POTEF: variants seen among roughly 807,000 people sequenced by gnomAD.
The protein encoded by POTEF is ANKRD26-like family C member 1B.
A neutral mutation model predicts 83.2 loss-of-function variants in POTEF; 20 were observed. The observed-to-expected ratio is 0.24, with a 90% CI of 0.17 to 0.35. POTEF has a LOEUF of 0.35. POTEF is among the 10% of genes least tolerant of loss of function. The probability of loss-of-function intolerance (pLI) is 1.00; values close to 1 mark genes in which losing one functional copy is unlikely to be tolerated. For missense variants in POTEF, 550 were observed against 1,203.2 expected (o/e 0.46, Z 8.03); for synonymous variants, 196 against 446.4 (o/e 0.44, Z 7.07).
chr2:130,106,221 T>C (rs1684524751), intron 8 of POTEF, among the ~76,000 whole-genome samples: 1 of 150,718 alleles, frequency 6.6e-6, no homozygotes, highest in South Asian at 2.1e-4. Context: ...CTCTGGTTCC[T>C]ACTGTTTTAG....
chr2:130,075,969 C>T (rs1393740908), intron 16 of POTEF, among the ~76,000 whole-genome samples: 1 of 144,530 alleles, frequency 6.9e-6, no homozygotes, highest in Non-Finnish European at 1.5e-5. Flanking sequence ...ATTAGGTTTA[C>T]ACTCTGATAT....
At chr2:130,117,862 C>T (rs1010479686) in intron 3 of POTEF, among the ~76,000 whole-genome samples, 2 of 151,828 alleles carry the variant, frequency 1.3e-5, no homozygotes, top group South Asian at 4.1e-4. Flanking sequence ...GCAATTTAAA[C>T]TTTAAATGAC....
chr2:130,128,343 CTCTGGAG>C (rs1685149161), intron 1 of POTEF, among the ~76,000 whole-genome samples: 1 of 151,982 alleles, frequency 6.6e-6, no homozygotes, highest in Non-Finnish European at 1.5e-5. Context: ...CCAGGAGGAA[CTCTGGAG>C]TCTGGAAAAG....
At chr2:130,126,319 A>G (rs1330124885) in intron 2 of POTEF, among the ~76,000 whole-genome samples, 5 of 152,178 alleles carry the variant, frequency 3.3e-5, no homozygotes, top group Admixed American at 2.6e-4. Flanking sequence ...AAAAAAAAAA[A>G]AAAAAGAAAG....
At chr2:130,083,446 C>A in intron 15 of POTEF, among the ~76,000 whole-genome samples, 1 of 146,600 alleles carries the variant, frequency 6.8e-6, no homozygotes, top group South Asian at 2.2e-4. Context: ...GATAAACGGA[C>A]TAGAAAGGCA....
At position 130,078,298 on chromosome 2, in the gene POTEF, A is replaced by G. The variant is rs1439652564; in HGVS notation, c.1779-1097T>C. On this transcript the variant is annotated intron_variant, in intron 15 of 16. Coordinates refer to ENST00000409914, the MANE Select transcript of POTEF (RefSeq NM_001099771.2). ...ATACCAATCAGTAGCACCACTATAC[A>G]TCAACTACAACCAAGCTGAGAGTTC... 1.2e-4 allele frequency among the ~76,000 whole-genome samples: 11 copies of G among 90,586 alleles called. 5 individuals are homozygous for G. The highest frequency in any genetic ancestry group is 6.7e-4 in the South Asian group (2 of 2,972). The allele number at this position is 90,586 out of a possible 152,430, so 59.4% of individuals were successfully genotyped here.
chr2:130,114,048 T>C (rs569474513), intron 5 of POTEF, among the ~76,000 whole-genome samples: 1 of 152,100 alleles, frequency 6.6e-6, no homozygotes, highest in South Asian at 2.1e-4. Flanking sequence ...GAGACTCTCA[T>C]TGGCCATTTC....
intron 15 of POTEF, 90 bp downstream of exon 15, chr2:130,085,724 A>G: frequency 3.3e-6 from 1 of 301,616 alleles, no homozygotes; most frequent in Non-Finnish European, 5.4e-6. Context: ...TAATAAAAGT[A>G]TAAAATTTGT....
At position 130,115,558 on chromosome 2, in the gene POTEF, C is replaced by T. The variant is rs560504307; in HGVS notation, c.522-230G>A. Among the ~76,000 whole-genome samples the T allele has an allele frequency of 1.2e-4, 18 of 152,160 alleles. 1 individual carries two copies. Among genetic ancestry groups the T allele is most frequent in the African/African-American group, 3.9e-4 (16 of 41,476 alleles). On this transcript the variant is annotated intron_variant, in intron 3 of 16. Transcript: ENST00000409914. ...AGCATAGCCCTTGGATGACATTCAA[C>T]GTGGGCTGGAATCCTACTTGAAGCT...
At position 130,122,210 on chromosome 2, in the gene POTEF, AT is replaced by A. The variant is rs1685016136; in HGVS notation, c.-93-1603del. On this transcript the variant is annotated intron_variant, in intron 2 of 16. Coordinates refer to ENST00000409914, the MANE Select transcript of POTEF (RefSeq NM_001099771.2). ...TTTATGGACAGACCACATTTTATTA[AT>A]CCACTCCAAAATTCATGGACATTTC... Among the ~76,000 whole-genome samples the A allele has an allele frequency of 2.7e-5, 4 of 148,582 alleles. No homozygotes were observed. The South Asian group carries it at 8.6e-4, about 32-fold the overall frequency.
intron 2 of POTEF, among the ~76,000 whole-genome samples, chr2:130,123,579 T>C (rs1481621475): frequency 1.3e-5 from 2 of 151,936 alleles, no homozygotes; most frequent in Non-Finnish European, 2.9e-5. Context: ...GTAAGTGACA[T>C]ATGCAATTGA....
chr2:130,118,705 A>G (rs1684913146), intron 3 of POTEF, among the ~76,000 whole-genome samples: 1 of 151,324 alleles, frequency 6.6e-6, no homozygotes, highest in Admixed American at 6.6e-5. Flanking sequence ...AAAAAAAAGT[A>G]TATATATAAA....
chr2:130,126,448 G>A (rs1334884944), intron 2 of POTEF, among the ~76,000 whole-genome samples: 1 of 151,882 alleles, frequency 6.6e-6, no homozygotes, highest in Non-Finnish European at 1.5e-5. Flanking sequence ...GAGATGAAAT[G>A]GCTGTTTGCC....
intron 2 of POTEF, among the ~76,000 whole-genome samples, chr2:130,125,540 T>C (rs1685073198): frequency 1.3e-5 from 2 of 149,206 alleles, no homozygotes; most frequent in African/African-American, 5.0e-5. Flanking sequence ...AAAATAAAGA[T>C]AAAAAGTTCA....
At chr2:130,108,184 C>T (rs1367020598) in intron 7 of POTEF, 105 bp from the exon 8 acceptor site, 19 of 1,476,884 alleles carry the variant, frequency 1.3e-5, no homozygotes, top group Middle Eastern at 2.4e-4. Context: ...ATCAGAATAA[C>T]AGAACTTAAT....
In POTEF at chr2:130,120,272, C is replaced by T. The variant is rs765454905; in HGVS notation, c.244G>A (p.Ala82Thr). ...CRGSGKSNVG[A>T]SGDHDDSAMK... ...GCAGAGTCGTCGTGGTCTCCAGAAGCGCCCACGTTGCTCTTGCCACTCCCC... is the reference window on the plus strand; with the variant it reads ...GCAGAGTCGTCGTGGTCTCCAGAAGTGCCCACGTTGCTCTTGCCACTCCCC... Residue 82 changes from alanine (A) to threonine (T), a missense_variant, in exon 3 of 17, where the codon GCT becomes ACT. Coordinates refer to ENST00000409914, the MANE Select transcript of POTEF (RefSeq NM_001099771.2). The T allele has an allele frequency of 1.9e-5, 31 of 1,591,780 alleles. 1 individual carries two copies. The highest frequency in any genetic ancestry group is 6.8e-5 in the East Asian group (3 of 44,050).
chr2:130,113,491 G>A (rs1403550044), intron 5 of POTEF, among the ~76,000 whole-genome samples: 1 of 128,902 alleles, frequency 7.8e-6, no homozygotes, highest in East Asian at 2.3e-4. Flanking sequence ...TTAAGCAGGA[G>A]TGTATCCAGA....
chr2:130,095,037 T>C (rs1684211671), intron 11 of POTEF, among the ~76,000 whole-genome samples: 1 of 105,448 alleles, frequency 9.5e-6, no homozygotes, highest in South Asian at 3.2e-4. Context: ...TTTTTTTTTT[T>C]TTTTTTTTGA....
In POTEF at chr2:130,120,008, C is replaced by T. The variant is rs1180732246; in HGVS notation, c.508G>A (p.Asp170Asn). ...AGGCCTGGTTACCTCTTTTGCTTGTCCTGCTTGTTCACGTCAGTGTCCCTG... is the reference window on the plus strand; with the variant it reads ...AGGCCTGGTTACCTCTTTTGCTTGTTCTGCTTGTTCACGTCAGTGTCCCTG... Reference protein sequence around the residue: ...MLRDTDVNKQDKQKRTALHLA... With the variant: ...MLRDTDVNKQNKQKRTALHLA... The change falls in exon 3 of 17, where the codon GAC becomes AAC. Residue 170 changes from aspartate (D) to asparagine (N), a missense_variant. Transcript: ENST00000409914. 2 of 1,171,888 alleles carry T rather than the reference C, an allele frequency of 1.7e-6. No individual in the cohort carries two copies. The highest frequency in any genetic ancestry group is 1.3e-5 in the South Asian group (1 of 76,352). The allele number at this position is 1,171,888 out of a possible 1,614,324, so 72.6% of individuals were successfully genotyped here.
Sources: gnomAD v4.1 joint callset for allele counts (sites outside exome capture counted in the v4.1 genomes callset) on GRCh38, gnomAD v4.1.1 for gene constraint, MANE v1.5 for transcripts, NCBI Gene and HGNC (gene_info 2026-07-23, HGNC 2026-07-21) for gene names.